The following EPYC variants were observed in gnomAD, a reference collection of about 807,000 sequenced individuals.
EPYC encodes the protein epiphycan, also known as dermatan sulfate proteoglycan 3.
A neutral mutation model predicts 30.1 loss-of-function variants in EPYC; 28 were observed. The ratio of observed to expected loss-of-function variants is 0.93; its 90% CI spans 0.69 to 1.28. The LOEUF (loss-of-function observed/expected upper bound fraction) is 1.28, where lower values mean the gene tolerates loss of function less well. Among genes scored for constraint, EPYC ranks in the 50% most tolerant of loss-of-function variants. The pLI, the probability that EPYC is intolerant of heterozygous loss-of-function variation, is 0.00. For synonymous variants in EPYC, 144 were observed against 141.4 expected (o/e 1.02, Z -0.13); for missense variants, 382 against 383.5 (o/e 1.00, Z 0.03).
chr12:90,986,302 G>A (rs943805829), intron 2 of EPYC, among the ~76,000 whole-genome samples: 2 of 152,006 alleles, frequency 1.3e-5, no homozygotes, highest in African/African-American at 2.4e-5. Flanking sequence ...AGCTCACAAA[G>A]GATTACAGGA....
rs184856621 is a variant in EPYC at position 90,978,979 on chromosome 12, G to C, written c.166-717C>G. Among the ~76,000 whole-genome samples, 152 of 152,168 alleles carry C rather than the reference G, an allele frequency of 1.0e-3. 1 individual carries two copies. The highest frequency in any genetic ancestry group is 3.6e-3 in the African/African-American group (150 of 41,522). ...TCTTTGAGAACGTTGACACTAGGAGGCAGTTATAAAATTACAAAATTATTC... is the reference window on the plus strand; with the variant it reads ...TCTTTGAGAACGTTGACACTAGGAGCCAGTTATAAAATTACAAAATTATTC... On this transcript the variant is annotated intron_variant, in intron 2 of 6. Transcript: ENST00000261172.
intron 2 of EPYC, among the ~76,000 whole-genome samples, chr12:90,992,702 T>C (rs1232219325): frequency 3.3e-5 from 5 of 152,170 alleles, no homozygotes; most frequent in African/African-American, 1.2e-4. Flanking sequence ...AATGTTACTC[T>C]GAGAGAAGGA....
At chr12:90,988,382 A>G (rs1877502750) in intron 2 of EPYC, among the ~76,000 whole-genome samples, 2 of 152,152 alleles carry the variant, frequency 1.3e-5, no homozygotes, top group South Asian at 4.1e-4. Flanking sequence ...AGCTGTGTTC[A>G]GAGAGGAATG....
At position 90,991,573 on chromosome 12, in the gene EPYC, T is replaced by TA. The variant is rs1327930470; in HGVS notation, c.165+10827dup. Among the ~76,000 whole-genome samples the TA allele has an allele frequency of 3.3e-5, 5 of 152,094 alleles. No individual in the cohort carries two copies. The East Asian group carries it at 7.7e-4, about 24-fold the overall frequency. ...ATGAAGGTGTGGAACAGAAAGAAAATAAAAAATAACTTAAAAAGAAAGTTC... is the reference window on the plus strand; with the variant it reads ...ATGAAGGTGTGGAACAGAAAGAAAATAAAAAAATAACTTAAAAAGAAAGTTC... On this transcript the variant is annotated intron_variant, in intron 2 of 6. Coordinates refer to ENST00000261172, the MANE Select transcript of EPYC (RefSeq NM_004950.5).
At chr12:90,971,088 G>T (rs1352654993) in intron 5 of EPYC, among the ~76,000 whole-genome samples, 3 of 152,148 alleles carry the variant, frequency 2.0e-5, no homozygotes, top group Non-Finnish European at 2.9e-5. Context: ...CTGTCTTCAA[G>T]ACACTGCCCA....
At chr12:90,979,168 G>C (rs901788647) in intron 2 of EPYC, among the ~76,000 whole-genome samples, 8 of 151,982 alleles carry the variant, frequency 5.3e-5, no homozygotes, top group Non-Finnish European at 1.2e-4. Flanking sequence ...TTTCTTTGTG[G>C]TACTTAGTAA....
chr12:90,964,281 T>A lies in EPYC; in HGVS notation c.844A>T (p.Lys282Ter). ...GCCTTACGAATATAAGTCAAATTTT[T>A]AACATTGCAGAACGTATCTTCGTGC... ...EMHEDTFCNV[K>*]NLTYIRKALE... Residue 282 changes from lysine to a stop codon, truncating the protein, a stop_gained, in exon 7 of 7, where the codon AAA (lysine) becomes TAA (stop). Transcript: ENST00000261172. LOFTEE classifies it high-confidence loss of function. 1 of 1,612,662 alleles carries A rather than the reference T, an allele frequency of 6.2e-7. No individual in the cohort carries two copies. Among genetic ancestry groups the A allele is most frequent in the Non-Finnish European group, 8.5e-7 (1 of 1,178,860 alleles).
intron 2 of EPYC, among the ~76,000 whole-genome samples, chr12:90,985,167 C>A (rs1009864270): frequency 5.3e-5 from 8 of 152,076 alleles, no homozygotes; most frequent in Non-Finnish European, 1.2e-4. Flanking sequence ...ATCATGGGGA[C>A]TGGAGTCATA....
At chr12:90,983,660 G>A (rs1460506306) in intron 2 of EPYC, among the ~76,000 whole-genome samples, 3 of 151,998 alleles carry the variant, frequency 2.0e-5, no homozygotes, top group African/African-American at 7.2e-5. Context: ...AGTGAGACTC[G>A]CCCATCTATT....
rs1877510187 is a variant in EPYC at position 90,988,687 on chromosome 12, C to T, written c.166-10425G>A. Among the ~76,000 whole-genome samples, 4 of 152,212 alleles carry T rather than the reference C, an allele frequency of 2.6e-5. No individual in the cohort carries two copies. The South Asian group carries it at 8.3e-4, about 32-fold the overall frequency. ...TGAAAATGTCTATATTATGGCAAGT[C>T]TTATTAGTAGCTGTAACAAACAAGT... On this transcript the variant is annotated intron_variant, in intron 2 of 6. Coordinates refer to ENST00000261172, the MANE Select transcript of EPYC (RefSeq NM_004950.5).
intron 5 of EPYC, 111 bp from the exon 6 acceptor site, chr12:90,970,250 T>C (rs1877007013): frequency 1.3e-6 from 1 of 772,342 alleles, no homozygotes; most frequent in Non-Finnish European, 2.1e-6. Context: ...ATTTGTAAAA[T>C]AGCATGTTCC....
At chr12:90,986,224 C>T (rs1252275955) in intron 2 of EPYC, among the ~76,000 whole-genome samples, 1 of 151,946 alleles carries the variant, frequency 6.6e-6, no homozygotes, top group African/African-American at 2.4e-5. Context: ...AAAATGCCTG[C>T]CCAGTCCAAA....
At chr12:90,982,972 C>G (rs1353595032) in intron 2 of EPYC, among the ~76,000 whole-genome samples, 1 of 152,104 alleles carries the variant, frequency 6.6e-6, no homozygotes, top group Non-Finnish European at 1.5e-5. Context: ...ATATCTTTAA[C>G]ATACTGATAC....
chr12:90,966,087 C>T (rs1876888142), intron 6 of EPYC, among the ~76,000 whole-genome samples: 1 of 151,924 alleles, frequency 6.6e-6, no homozygotes, highest in African/African-American at 2.4e-5. Flanking sequence ...GAAGAATGAC[C>T]TTATTTCCAA....
intron 3 of EPYC, among the ~76,000 whole-genome samples, chr12:90,974,510 T>A (rs573309630): frequency 1.4e-4 from 21 of 152,034 alleles, no homozygotes; most frequent in African/African-American, 4.8e-4. Flanking sequence ...AGGGAGTGAT[T>A]AACATGGAAG....
intron 5 of EPYC, among the ~76,000 whole-genome samples, chr12:90,970,607 T>C (rs144660815): frequency 6.6e-6 from 1 of 152,324 alleles, no homozygotes; most frequent in East Asian, 1.9e-4. Context: ...AAAAAACATT[T>C]AGACAATAGC....
At chr12:90,997,080 T>A (rs1456150553) in intron 2 of EPYC, among the ~76,000 whole-genome samples, 1 of 151,958 alleles carries the variant, frequency 6.6e-6, no homozygotes, top group Non-Finnish European at 1.5e-5. Context: ...TTTTTAGAAG[T>A]TGTAACCCAT....
At chr12:91,003,426 C>A (rs372033568) in intron 1 of EPYC, among the ~76,000 whole-genome samples, 1 of 151,968 alleles carries the variant, frequency 6.6e-6, no homozygotes, top group Non-Finnish European at 1.5e-5. Flanking sequence ...CCCTTGTATG[C>A]CTGTGGGATT....
intron 2 of EPYC, among the ~76,000 whole-genome samples, chr12:90,981,674 G>GA (rs1877329027): frequency 6.6e-6 from 1 of 152,042 alleles, no homozygotes; most frequent in South Asian, 2.1e-4. Flanking sequence ...GTAAAAATAT[G>GA]AAAAACTGGT....
Sources: gnomAD v4.1 joint callset for allele counts (sites outside exome capture counted in the v4.1 genomes callset) on GRCh38, gnomAD v4.1.1 for gene constraint, MANE v1.5 for transcripts, NCBI Gene and HGNC (gene_info 2026-07-23, HGNC 2026-07-21) for gene names.